Variants in MAP3K3 observed in about 807,000 individuals in gnomAD.
MAP3K3 encodes the protein mitogen-activated protein kinase kinase kinase 3, also known as MAP/ERK kinase kinase 3.
In MAP3K3, 12 loss-of-function variants were observed where a neutral mutation model predicts 80.9. The ratio of observed to expected loss-of-function variants is 0.15; its 90% CI spans 0.10 to 0.24. The LOEUF is 0.24. Among genes scored for constraint, MAP3K3 ranks in the 10% least tolerant of loss-of-function variants. The pLI, the probability that MAP3K3 is intolerant of heterozygous loss-of-function variation, is 1.00. For missense variants in MAP3K3, 596 were observed against 834.7 expected, an observed-to-expected ratio of 0.71 and a Z score of 3.52; for synonymous variants, 272 against 307.1, an observed-to-expected ratio of 0.89 and a Z score of 1.19.
intron 5 of MAP3K3, among the ~76,000 whole-genome samples, chr17:63,663,018 C>T (rs1395565311): frequency 1.3e-5 from 2 of 152,006 alleles, no homozygotes; most frequent in African/African-American, 4.8e-5. Context: ...TGGGAAACCT[C>T]ACCCAGGTGC....
At chr17:63,687,532 CA>C (rs1280924084) in intron 8 of MAP3K3, among the ~76,000 whole-genome samples, 7 of 141,548 alleles carry the variant, frequency 4.9e-5, no homozygotes, top group Non-Finnish European at 1.1e-4. Flanking sequence ...AAAAAAAAAG[CA>C]AAAAAAATTA....
intron 1 of MAP3K3, among the ~76,000 whole-genome samples, chr17:63,623,100 G>A (rs1168883036): frequency 1.3e-5 from 2 of 152,066 alleles, no homozygotes; most frequent in East Asian, 3.9e-4. Flanking sequence ...GAGCCCGAGG[G>A]CGGGGGAGCA....
chr17:63,628,227 C>A (rs1484696268), intron 1 of MAP3K3, among the ~76,000 whole-genome samples: 2 of 151,630 alleles, frequency 1.3e-5, no homozygotes, highest in Non-Finnish European at 2.9e-5. Flanking sequence ...CTTAAAGAAT[C>A]TTTAGTCTGT....
intron 8 of MAP3K3, chr17:63,688,204 C>T (rs2035500498): frequency 9.7e-6 from 4 of 411,266 alleles, no homozygotes; most frequent in African/African-American, 2.0e-5. Context: ...TATTACTGCC[C>T]TGGGCAAAGG....
Position 63,662,650 on chromosome 17 carries a change from ATTTTTTT to A in MAP3K3, c.382-4271_382-4265del, listed in dbSNP as rs1192833142. Among the ~76,000 whole-genome samples, 9 of 82,582 alleles carry A rather than the reference ATTTTTTT, an allele frequency of 1.1e-4. No homozygotes were observed. In the South Asian group the frequency reaches 1.2e-3, roughly 11 times the overall value. The allele number at this position is 82,582 out of a possible 152,430, so 54.2% of individuals were successfully genotyped here. ...TGTCAGTCACCATCCAGAAGAGGGA[ATTTTTTT>A]TTTTTTTTTTTTTTTTTTGGGATGG... On this transcript the variant is annotated intron_variant, in intron 5 of 15. Coordinates refer to ENST00000361733, the MANE Select transcript of MAP3K3 (RefSeq NM_002401.5).
rs2035621746 is a variant in MAP3K3 at position 63,692,866 on chromosome 17, A to G, written c.1652+447A>G. On this transcript the variant is annotated intron_variant, in intron 15 of 15. Coordinates refer to ENST00000361733, the MANE Select transcript of MAP3K3 (RefSeq NM_002401.5). The surrounding 1 kb of genome is among the most constrained non-coding windows in gnomAD (Gnocchi z 4.5). ...TGGTGGGCTGAATAATGGCCCCCCC[A>G]AAGATGTCCACTGCCTAATCCCTGG... Among the ~76,000 whole-genome samples the G allele has an allele frequency of 6.6e-6, 1 of 152,236 alleles. No individual in the cohort carries two copies. The highest frequency in any genetic ancestry group is 2.1e-4 in the South Asian group (1 of 4,830).
At chr17:63,662,650 ATTT>A (rs1192833142) in intron 5 of MAP3K3, among the ~76,000 whole-genome samples, 10 of 82,554 alleles carry the variant, frequency 1.2e-4, no homozygotes, top group African/African-American at 1.2e-4. Context: ...AGAAGAGGGA[ATTT>A]TTTTTTTTTT....
chr17:63,665,075 G>A (rs954575230), intron 5 of MAP3K3, among the ~76,000 whole-genome samples: 7 of 152,068 alleles, frequency 4.6e-5, no homozygotes, highest in African/African-American at 1.7e-4. Context: ...GGCCAAGGCA[G>A]GCAGATCACC....
intron 5 of MAP3K3, among the ~76,000 whole-genome samples, chr17:63,660,288 C>A (rs1327472805): frequency 1.3e-5 from 2 of 152,078 alleles, no homozygotes; most frequent in Non-Finnish European, 2.9e-5. Context: ...ACAGCCTCAA[C>A]CTCCCAGACT....
At chr17:63,669,714 A>G (rs1004216686) in intron 6 of MAP3K3, among the ~76,000 whole-genome samples, 2 of 152,108 alleles carry the variant, frequency 1.3e-5, no homozygotes, top group African/African-American at 4.8e-5. Flanking sequence ...GGCCTCCCAA[A>G]GTGTTGGGAT....
chr17:63,627,447 T>C (rs1966867708), intron 1 of MAP3K3, among the ~76,000 whole-genome samples: 1 of 143,938 alleles, frequency 6.9e-6, no homozygotes, highest in African/African-American at 2.6e-5. Flanking sequence ...CACAAATACT[T>C]TTTTTTTTTT....
In MAP3K3 at chr17:63,688,561, C is replaced by A. The variant is rs2143610958; in HGVS notation, c.745C>A (p.Gln249Lys). The change falls in exon 9 of 16, where the codon CAG (glutamine) becomes AAG (lysine). Residue 249 changes from glutamine (Q) to lysine (K), a missense_variant. Gln to Lys is a moderately conservative substitution (Grantham distance 53). Coordinates refer to ENST00000361733, the MANE Select transcript of MAP3K3 (RefSeq NM_002401.5). The stretch of plus-strand genomic sequence containing the variant: ...CCGGAAATCACGAATGTCCCGTGCC[C>A]AGAGCTTCCCTGACAACAGACAGGA... ...SFRKSRMSRAQSFPDNRQEYS... is the reference protein window; with the variant it reads ...SFRKSRMSRAKSFPDNRQEYS... 6.2e-7 allele frequency: 1 copy of A among 1,614,104 alleles called. No individual in the cohort carries two copies. The highest frequency in any genetic ancestry group is 1.3e-5 in the African/African-American group (1 of 75,024).
At chr17:63,672,033 A>G (rs990979935) in intron 6 of MAP3K3, among the ~76,000 whole-genome samples, 1 of 152,106 alleles carries the variant, frequency 6.6e-6, no homozygotes, top group Non-Finnish European at 1.5e-5. Flanking sequence ...CTGTAATCCC[A>G]TCACTTTGGG....
intron 6 of MAP3K3, among the ~76,000 whole-genome samples, chr17:63,675,957 C>T (rs1297116207): frequency 6.6e-6 from 1 of 152,204 alleles, no homozygotes; most frequent in African/African-American, 2.4e-5. Context: ...GTCTCACTTG[C>T]TCTCAACTGT....
intron 6 of MAP3K3, among the ~76,000 whole-genome samples, chr17:63,677,207 A>T (rs1251413365): frequency 1.3e-5 from 2 of 152,184 alleles, no homozygotes; most frequent in African/African-American, 4.8e-5. Context: ...CATTTAGCTA[A>T]TGAGTGGCAA....
At position 63,691,922 on chromosome 17, in the gene MAP3K3, G is replaced by T; in HGVS notation, c.1474+60G>T. 1.3e-6 allele frequency: 2 copies of T among 1,550,508 alleles called. No individual in the cohort carries two copies. Among genetic ancestry groups the T allele is most frequent in the Non-Finnish European group, 1.8e-6 (2 of 1,130,020 alleles). On this transcript the variant is annotated intron_variant, in intron 14 of 15. Coordinates refer to ENST00000361733, the MANE Select transcript of MAP3K3 (RefSeq NM_002401.5). This position sits in a 1 kb window ranked among gnomAD's most constrained non-coding sequence, Gnocchi z 4.8. ...CCTGGGTTCAAGTCTACCATTGAGT[G>T]CCTGCAGGGGCCAATCACTTAACCA... is the stretch of plus-strand genomic sequence containing the variant.
Position 63,662,176 on chromosome 17 carries a change from C to T in MAP3K3, c.381+4269C>T, listed in dbSNP as rs550454846. On this transcript the variant is annotated intron_variant, in intron 5 of 15. Transcript: ENST00000361733. ...ATCTCAGCACTTTGGGAGGCTGAGG[C>T]AGGCAGATTACTTGAGCCTAGGAGT... 1.3e-5 allele frequency among the ~76,000 whole-genome samples: 2 copies of T among 148,194 alleles called. 1 individual carries two copies. Among genetic ancestry groups the T allele is most frequent in the South Asian group, 4.3e-4 (2 of 4,682 alleles).
intron 3 of MAP3K3, 115 bp from the exon 4 acceptor site, chr17:63,652,442 A>C (rs1172337159): frequency 4.2e-6 from 3 of 706,182 alleles, no homozygotes; most frequent in Non-Finnish European, 7.2e-6. Context: ...AAATTGAGTG[A>C]AAGAAAACAG....
intron 4 of MAP3K3, 84 bp downstream of exon 4, chr17:63,652,740 T>C (rs1465572434): frequency 4.2e-5 from 37 of 870,616 alleles, no homozygotes; most frequent in Non-Finnish European, 1.1e-5. Flanking sequence ...CTTTAAAGTT[T>C]GTTCCTCTAA....
Sources: gnomAD v4.1 joint callset for allele counts (sites outside exome capture counted in the v4.1 genomes callset) on GRCh38, gnomAD v4.1.1 for gene constraint, Gnocchi (gnomAD v3.1) non-coding constraint, MANE v1.5 for transcripts, NCBI Gene and HGNC (gene_info 2026-07-23, HGNC 2026-07-21) for gene names.